Variants in NRXN1 observed in about 807,000 individuals in gnomAD.
The protein encoded by NRXN1 is neurexin-1.
Under a neutral mutation model 150.9 loss-of-function variants are expected in NRXN1, and 39 were observed. The ratio of observed to expected loss-of-function variants is 0.26; its 90% confidence interval spans 0.20 to 0.34. The LOEUF is 0.34. Among genes scored for constraint, NRXN1 ranks in the 10% least tolerant of loss-of-function variants. NRXN1 has a pLI of 1.00. For synonymous variants in NRXN1, 924 were observed against 757.0 expected (o/e 1.22, Z -3.62); for missense variants, 1,815 against 1,949.9 (o/e 0.93, Z 1.30).
At chr2:50,717,262 T>C (rs1695984738) in intron 5 of NRXN1, among the ~76,000 whole-genome samples, 1 of 152,278 alleles carries the variant, frequency 6.6e-6, no homozygotes, top group South Asian at 2.1e-4. Context: ...ATAATAACAC[T>C]ACATCAAATT....
At chr2:50,103,050 C>T (rs1443599120) in intron 18 of NRXN1, among the ~76,000 whole-genome samples, 1 of 151,980 alleles carries the variant, frequency 6.6e-6, no homozygotes, top group Non-Finnish European at 1.5e-5. Flanking sequence ...TATGTAGAAC[C>T]TAACAGTATG....
At chr2:50,896,798 GA>G (rs1682030595) in intron 5 of NRXN1, among the ~76,000 whole-genome samples, 1 of 151,790 alleles carries the variant, frequency 6.6e-6, no homozygotes, top group Admixed American at 6.6e-5. Context: ...AGTGAGCCAG[GA>G]TTGTGCCACT....
chr2:50,967,743 C>A (rs548068742), intron 2 of NRXN1, among the ~76,000 whole-genome samples: 12 of 152,016 alleles, frequency 7.9e-5, no homozygotes, highest in Admixed American at 1.3e-4. Flanking sequence ...GTAGCTTTTA[C>A]CTCTGTGCAT....
intron 21 of NRXN1, among the ~76,000 whole-genome samples, chr2:50,004,269 T>C (rs1389828645): frequency 1.3e-5 from 2 of 152,072 alleles, no homozygotes. Context: ...AAAGACTCAT[T>C]TATAATAAAA....
intron 2 of NRXN1, among the ~76,000 whole-genome samples, chr2:50,927,743 T>C (rs776544379): frequency 6.6e-6 from 1 of 151,970 alleles, no homozygotes; most frequent in Non-Finnish European, 1.5e-5. Flanking sequence ...TCAGGGAATT[T>C]AGAGGAGAGT....
intron 17 of NRXN1, among the ~76,000 whole-genome samples, chr2:50,336,012 C>T (rs1458586482): frequency 6.6e-6 from 1 of 151,950 alleles, no homozygotes; most frequent in Non-Finnish European, 1.5e-5. Flanking sequence ...CAAGTCTTCA[C>T]AACAGTCCTA....
At chr2:50,623,728 T>C in intron 5 of NRXN1, 113 bp from the exon 6 acceptor site, 1 of 717,424 alleles carries the variant, frequency 1.4e-6, no homozygotes, top group Non-Finnish European at 2.3e-6. Flanking sequence ...TTAATTAGAT[T>C]TCATGACATG....
intron 9 of NRXN1, chr2:50,551,191 G>A (rs911454273): frequency 6.6e-6 from 1 of 151,902 alleles, no homozygotes; most frequent in South Asian, 2.1e-4. Context: ...AGAATATTTA[G>A]GGAGACAAAG....
chr2:49,968,928 G>A (rs1330252281), intron 21 of NRXN1, among the ~76,000 whole-genome samples: 1 of 152,026 alleles, frequency 6.6e-6, no homozygotes, highest in Non-Finnish European at 1.5e-5. Flanking sequence ...ATGACATCTA[G>A]CAGTGTTCTG....
In NRXN1 at chr2:50,621,206, G is replaced by A. The variant is rs770777508; in HGVS notation, c.1158+20C>T. On this transcript the variant is annotated intron_variant, in intron 7 of 22. Coordinates refer to ENST00000401669, the MANE Select transcript of NRXN1 (RefSeq NM_001330078.2). ...AGAAACAATTAGAATGATATCTACC[G>A]AACAATGTAGTTTGTTTACCATAGC... The A allele has an allele frequency of 7.7e-6, 12 of 1,561,250 alleles. No homozygotes were observed. In the South Asian group the frequency reaches 1.1e-4, roughly 14 times the overall value.
chr2:50,772,889 G>T (rs1703177233), intron 5 of NRXN1, among the ~76,000 whole-genome samples: 1 of 152,032 alleles, frequency 6.6e-6, no homozygotes, highest in South Asian at 2.1e-4. Context: ...ACATAGTATG[G>T]GGTGGCTAAA....
chr2:50,795,225 G>C (rs1706639408), intron 5 of NRXN1, among the ~76,000 whole-genome samples: 1 of 152,042 alleles, frequency 6.6e-6, no homozygotes, highest in South Asian at 2.1e-4. Flanking sequence ...TTGGTAAGTA[G>C]GTTTGGAGAG....
At chr2:50,081,869 T>A (rs566746267) in intron 19 of NRXN1, among the ~76,000 whole-genome samples, 51 of 152,294 alleles carry the variant, frequency 3.3e-4, no homozygotes, top group Admixed American at 7.2e-4. Flanking sequence ...GTCATTGAGT[T>A]GGGAATGTGA....
intron 17 of NRXN1, among the ~76,000 whole-genome samples, chr2:50,464,234 G>T (rs1355186413): frequency 6.6e-6 from 1 of 151,716 alleles, no homozygotes; most frequent in African/African-American, 2.4e-5. Context: ...GAGGAAACTA[G>T]TAAAATGAAG....
intron 15 of NRXN1, among the ~76,000 whole-genome samples, chr2:50,484,840 T>C (rs1056275782): frequency 3.9e-5 from 6 of 152,152 alleles, no homozygotes; most frequent in Non-Finnish European, 7.3e-5. Context: ...TTATACAATG[T>C]AGTAGAAAAG....
intron 5 of NRXN1, among the ~76,000 whole-genome samples, chr2:50,747,133 G>C (rs1361463086): frequency 6.6e-6 from 1 of 151,936 alleles, no homozygotes; most frequent in Non-Finnish European, 1.5e-5. Flanking sequence ...TAGAGGGTGG[G>C]GCTTAGATAC....
chr2:50,289,891 G>T (rs1422992895), intron 17 of NRXN1, among the ~76,000 whole-genome samples: 1 of 152,030 alleles, frequency 6.6e-6, no homozygotes, highest in Non-Finnish European at 1.5e-5. Flanking sequence ...TTTTTAAAAG[G>T]AAAAATATAA....
At chr2:50,861,246 T>A (rs1403111925) in intron 5 of NRXN1, among the ~76,000 whole-genome samples, 1 of 152,066 alleles carries the variant, frequency 6.6e-6, no homozygotes, top group Non-Finnish European at 1.5e-5. Flanking sequence ...ACAGAGTCTC[T>A]CTGTCTCTCA....
At chr2:50,949,188 A>G (rs537010768) in intron 2 of NRXN1, among the ~76,000 whole-genome samples, 1 of 152,198 alleles carries the variant, frequency 6.6e-6, no homozygotes, top group East Asian at 1.9e-4. Context: ...ATTTTATTAC[A>G]TATTCTTATC....
Sources: allele counts gnomAD v4.1 joint callset (sites outside exome capture counted in the v4.1 genomes callset), GRCh38; gene constraint gnomAD v4.1.1; transcripts MANE v1.5; gene names NCBI Gene and HGNC (gene_info 2026-07-23, HGNC 2026-07-21).